Variants in ARID1B observed in about 807,000 individuals in gnomAD.
The protein encoded by ARID1B is AT-rich interactive domain-containing protein 1B.
Under a neutral mutation model 212.3 loss-of-function variants are expected in ARID1B, and 30 were observed. That is an observed-to-expected ratio of 0.14 (90% CI 0.11 to 0.19). The LOEUF (loss-of-function observed/expected upper bound fraction) is 0.19, where lower values mean the gene tolerates loss of function less well. Among genes scored for constraint, ARID1B ranks in the 10% least tolerant of loss-of-function variants. ARID1B has a pLI of 1.00. For missense variants in ARID1B, 2,891 were observed against 3,204.0 expected, an observed-to-expected ratio of 0.90 and a Z score of 2.36; for synonymous variants, 1,402 against 1,301.7, an observed-to-expected ratio of 1.08 and a Z score of -1.66.
In ARID1B at chr6:156,976,097, A is replaced by C. The variant is rs2356044; in HGVS notation, c.2247+40521A>C. The stretch of plus-strand genomic sequence containing the variant: ...GGGCTGGGAGGGGGTGTATTGTCAC[A>C]AAGTCAATTGATCAGTCAGGGTGGG... On this transcript the variant is annotated intron_variant, in intron 4 of 19. Transcript: ENST00000636930. 5.4e-3 allele frequency among the ~76,000 whole-genome samples: 815 copies of C among 152,260 alleles called. 2 individuals carry two copies. Among genetic ancestry groups the C allele is most frequent in the Non-Finnish European group, 6.7e-3 (458 of 68,012 alleles).
At chr6:157,110,757 G>T (rs1363742765) in intron 6 of ARID1B, 196 bp downstream of exon 6, 1 of 622,016 alleles carries the variant, frequency 1.6e-6, no homozygotes, top group Admixed American at 2.8e-5. Flanking sequence ...GTTGGGTGAA[G>T]TGTGGTCAAA....
chr6:157,033,931 C>A (rs1271412287), intron 4 of ARID1B, among the ~76,000 whole-genome samples: 1 of 152,204 alleles, frequency 6.6e-6, no homozygotes, highest in Non-Finnish European at 1.5e-5. Context: ...GAAAAGTTCT[C>A]TCTCCCATTG....
chr6:157,048,490 A>G (rs1782386121), intron 4 of ARID1B, among the ~76,000 whole-genome samples: 1 of 152,230 alleles, frequency 6.6e-6, no homozygotes, highest in South Asian at 2.1e-4. Flanking sequence ...AACTTAAAAT[A>G]ACAAGTTTGG....
At chr6:156,915,293 G>A (rs113889912) in intron 3 of ARID1B, among the ~76,000 whole-genome samples, 3,819 of 152,264 alleles carry the variant, frequency 0.025, 185 homozygotes, top group African/African-American at 0.087. Flanking sequence ...TAGGCCAGGC[G>A]CAGTGGCTCA....
chr6:157,110,403 G>A lies in ARID1B; in HGVS notation c.2492-69G>A, dbSNP rs1276381331. 3 of 1,359,626 alleles carry A rather than the reference G, an allele frequency of 2.2e-6. No individual in the cohort carries two copies. The African/African-American group carries it at 4.3e-5, about 20-fold the overall frequency. The allele number at this position is 1,359,626 out of a possible 1,614,324, so 84.2% of individuals were successfully genotyped here. A position where few individuals can be genotyped will look rare whatever the true frequency, so the allele number is the denominator to read the frequency against. On this transcript the variant is annotated intron_variant, in intron 5 of 19. Coordinates refer to ENST00000636930, the MANE Select transcript of ARID1B (RefSeq NM_001374828.1). ...TAAAAATTAAATGTGGCTGTGTCTTGGTTTTGCATGACTGCATTATTAATG... is the reference window on the plus strand; with the variant it reads ...TAAAAATTAAATGTGGCTGTGTCTTAGTTTTGCATGACTGCATTATTAATG...
At chr6:156,979,838 G>A (rs1322317148) in intron 4 of ARID1B, among the ~76,000 whole-genome samples, 1 of 152,066 alleles carries the variant, frequency 6.6e-6, no homozygotes, top group African/African-American at 2.4e-5. Context: ...TTACAGGCAT[G>A]GGCCACTGCA....
At chr6:157,180,371 AAAAAAAAAAC>A (rs1418086266) in intron 11 of ARID1B, among the ~76,000 whole-genome samples, 21 of 150,010 alleles carry the variant, frequency 1.4e-4, no homozygotes, top group South Asian at 2.1e-4. Context: ...GTTTATCTAA[AAAAAAAAAAC>A]AAAAAAAAAC....
intron 2 of ARID1B, among the ~76,000 whole-genome samples, chr6:156,868,028 T>A (rs1317327082): frequency 1.3e-5 from 2 of 152,256 alleles, no homozygotes; most frequent in Non-Finnish European, 2.9e-5. Context: ...CAGTGGGGAT[T>A]GATGGATGGG....
chr6:156,778,316 A>G lies in ARID1B; in HGVS notation c.636A>G (p.Gln212=), dbSNP rs746466458. The G allele has an allele frequency of 3.0e-5, 46 of 1,538,328 alleles. No individual in the cohort carries two copies. The highest frequency in any genetic ancestry group is 1.3e-4 in the African/African-American group (9 of 71,778). Residue 212 remains glutamine (Q), a synonymous_variant, in exon 1 of 20, where the codon CAA becomes CAG. Transcript: ENST00000636930. ...QQQQQQQQQQ[Q]QQHPISNNNS... is the part of the protein sequence containing the mutation. ...AACAGCAGCAGCAGCAGCAGCAGCAACAGCAACATCCCATTTCCAACAACA... is the reference window on the plus strand; with the variant it reads ...AACAGCAGCAGCAGCAGCAGCAGCAGCAGCAACATCCCATTTCCAACAACA...
intron 4 of ARID1B, among the ~76,000 whole-genome samples, chr6:156,961,853 A>T (rs1794398786): frequency 6.6e-6 from 1 of 152,174 alleles, no homozygotes; most frequent in Non-Finnish European, 1.5e-5. Flanking sequence ...TGTATTTCAA[A>T]ATAAACATAA....
intron 1 of ARID1B, among the ~76,000 whole-genome samples, chr6:156,797,604 G>A (rs1033761703): frequency 6.6e-6 from 1 of 152,206 alleles, no homozygotes; most frequent in Non-Finnish European, 1.5e-5. Context: ...GAATCATACA[G>A]TGCTGGATTT....
intron 19 of ARID1B, chr6:157,204,215 A>G (rs767736659): frequency 6.0e-6 from 3 of 497,394 alleles, no homozygotes; most frequent in South Asian, 5.6e-5. Flanking sequence ...TCTATTTCTT[A>G]TGAGAGAACA....
At chr6:157,154,568 GTTTTTTTTTTTGT>G (rs1562308806) in intron 8 of ARID1B, among the ~76,000 whole-genome samples, 1 of 118,508 alleles carries the variant, frequency 8.4e-6, no homozygotes, top group African/African-American at 3.1e-5. Context: ...CTGCTCTTCT[GTTTTTTTTTTTGT>G]TTTTTTTTTT....
chr6:156,931,780 T>C (rs1174573977), intron 3 of ARID1B, among the ~76,000 whole-genome samples: 1 of 151,884 alleles, frequency 6.6e-6, no homozygotes, highest in Non-Finnish European at 1.5e-5. Flanking sequence ...CTGACCAACA[T>C]GGAGAAACCC....
chr6:157,138,362 A>G (rs1789086374), intron 7 of ARID1B, among the ~76,000 whole-genome samples: 1 of 152,112 alleles, frequency 6.6e-6, no homozygotes. Context: ...CAGCCTCTCT[A>G]GTAGCTGGGA....
At chr6:156,794,877 C>T (rs1269101885) in intron 1 of ARID1B, among the ~76,000 whole-genome samples, 1 of 152,168 alleles carries the variant, frequency 6.6e-6, no homozygotes, top group Non-Finnish European at 1.5e-5. Flanking sequence ...CCTTCTGCAC[C>T]TGGCCCACAT....
chr6:157,048,468 A>G (rs1239714398), intron 4 of ARID1B, among the ~76,000 whole-genome samples: 3 of 152,212 alleles, frequency 2.0e-5, no homozygotes, highest in Admixed American at 6.5e-5. Context: ...CAAATAAAAC[A>G]TTTCACATTA....
At chr6:157,178,943 C>G (rs1242258530) in intron 11 of ARID1B, among the ~76,000 whole-genome samples, 2 of 152,166 alleles carry the variant, frequency 1.3e-5, no homozygotes, top group Non-Finnish European at 2.9e-5. Context: ...ATCTTACAAA[C>G]AGGATATTGG....
chr6:157,039,670 C>CTTTCTTTCCTTTCT (rs1781632121), intron 4 of ARID1B, among the ~76,000 whole-genome samples: 1 of 55,268 alleles, frequency 1.8e-5, no homozygotes. Context: ...TCCTTCCTTC[C>CTTTCTTTCCTTTCT]TTCCTTCCTT....
Sources: allele counts gnomAD v4.1 joint callset (sites outside exome capture counted in the v4.1 genomes callset), GRCh38; gene constraint gnomAD v4.1.1; transcripts MANE v1.5; gene names NCBI Gene and HGNC (gene_info 2026-07-23, HGNC 2026-07-21).